The following ADARB2 variants were observed in gnomAD, a reference collection of about 807,000 sequenced individuals.
The protein encoded by ADARB2 is adenosine deaminase RNA specific B2 (inactive).
In ADARB2, 25 loss-of-function variants were observed where a neutral mutation model predicts 62.2. That is an observed-to-expected ratio of 0.40 (90% confidence interval 0.29 to 0.56). The LOEUF is 0.56. ADARB2 is among the 20% of genes least tolerant of loss of function. ADARB2 has a pLI of 0.43. For synonymous variants in ADARB2, 572 were observed against 500.8 expected (o/e 1.14, Z -1.90); for missense variants, 1,071 against 1,077.4 (o/e 0.99, Z 0.08).
chr10:1,199,638 CAGGTGG>C (rs1836957817), intron 8 of ADARB2: 2 of 261,744 alleles, frequency 7.6e-6, no homozygotes, highest in Non-Finnish European at 1.4e-5. Context: ...GGCAGGTGGG[CAGGTGG>C]GCGGCCAGGT....
At chr10:1,587,935 T>C (rs1329005961) in intron 1 of ADARB2, among the ~76,000 whole-genome samples, 1 of 152,172 alleles carries the variant, frequency 6.6e-6, no homozygotes, top group Non-Finnish European at 1.5e-5. Context: ...TCTGCCATGA[T>C]TGTGAGGCCT....
chr10:1,529,776 G>C (rs1208787765), intron 1 of ADARB2, among the ~76,000 whole-genome samples: 2 of 152,226 alleles, frequency 1.3e-5, no homozygotes, highest in Non-Finnish European at 2.9e-5. Flanking sequence ...GCTGCATGTA[G>C]AGGGCAGAGT....
chr10:1,292,866 A>G (rs922569986), intron 3 of ADARB2: 2 of 151,404 alleles, frequency 1.3e-5, no homozygotes, highest in African/African-American at 4.9e-5. Flanking sequence ...GACACCAGAA[A>G]TCATTCTGGT....
At chr10:1,228,981 G>A (rs542569393) in intron 6 of ADARB2, among the ~76,000 whole-genome samples, 11 of 152,262 alleles carry the variant, frequency 7.2e-5, no homozygotes, top group South Asian at 2.1e-4. Flanking sequence ...CCTCTGCCCC[G>A]AATGCATCAG....
At chr10:1,573,527 G>A (rs1026771957) in intron 1 of ADARB2, among the ~76,000 whole-genome samples, 25 of 152,210 alleles carry the variant, frequency 1.6e-4, no homozygotes, top group African/African-American at 5.1e-4. Context: ...CTCTCATTCC[G>A]TCCCCTGATG....
intron 1 of ADARB2, among the ~76,000 whole-genome samples, chr10:1,457,672 G>A (rs933106195): frequency 7.2e-5 from 11 of 152,230 alleles, no homozygotes; most frequent in South Asian, 6.2e-4. Context: ...AGTGACAGAA[G>A]GCCACATAGC....
intron 1 of ADARB2, among the ~76,000 whole-genome samples, chr10:1,487,336 AAAT>A (rs1831556560): frequency 6.6e-6 from 1 of 152,226 alleles, no homozygotes; most frequent in South Asian, 2.1e-4. Context: ...CAAAAAGACT[AAAT>A]AAACATTCTC....
intron 1 of ADARB2, among the ~76,000 whole-genome samples, chr10:1,515,585 C>T (rs1228568940): frequency 1.3e-5 from 2 of 152,220 alleles, no homozygotes; most frequent in African/African-American, 4.8e-5. Context: ...GCTCCCCAGG[C>T]CCCAGAGTGA....
intron 1 of ADARB2, among the ~76,000 whole-genome samples, chr10:1,452,788 T>A (rs558250301): frequency 4.9e-4 from 72 of 146,424 alleles, no homozygotes; most frequent in Non-Finnish European, 9.1e-4. Context: ...ACCCCAGAAC[T>A]TAAAGTATAA....
intron 1 of ADARB2, among the ~76,000 whole-genome samples, chr10:1,468,408 G>A (rs545101032): frequency 2.6e-4 from 39 of 152,194 alleles, no homozygotes; most frequent in Non-Finnish European, 4.6e-4. Context: ...CTGGTAGTGT[G>A]GCGTCAACGG....
intron 1 of ADARB2, among the ~76,000 whole-genome samples, chr10:1,697,722 G>T (rs1178317258): frequency 6.6e-6 from 1 of 152,160 alleles, no homozygotes; most frequent in Non-Finnish European, 1.5e-5. Flanking sequence ...TCCCCGGCGG[G>T]CTGACGGAAA....
intron 6 of ADARB2, among the ~76,000 whole-genome samples, chr10:1,220,282 G>A (rs900180913): frequency 8.6e-6 from 1 of 116,094 alleles, no homozygotes; most frequent in Non-Finnish European, 1.8e-5. Flanking sequence ...GATGGTAATG[G>A]TGATGGTGGT....
intron 1 of ADARB2, among the ~76,000 whole-genome samples, chr10:1,655,717 C>T (rs559234389): frequency 4.0e-5 from 6 of 151,406 alleles, no homozygotes; most frequent in Non-Finnish European, 8.8e-5. Flanking sequence ...TAGAAAATGG[C>T]CTCATGGGCA....
At chr10:1,555,158 T>C (rs1313921653) in intron 1 of ADARB2, among the ~76,000 whole-genome samples, 1 of 152,236 alleles carries the variant, frequency 6.6e-6, no homozygotes, top group Non-Finnish European at 1.5e-5. Flanking sequence ...TCCATATCTT[T>C]GCTGTTGTGA....
chr10:1,663,712 T>A (rs4880524), intron 1 of ADARB2, among the ~76,000 whole-genome samples: 35,296 of 151,850 alleles, frequency 0.23, 4,190 homozygotes, highest in East Asian at 0.27. Context: ...CTCTGCCTCC[T>A]GGGTTCAAGT....
intron 1 of ADARB2, among the ~76,000 whole-genome samples, chr10:1,595,464 T>C (rs972000840): frequency 6.6e-6 from 1 of 152,176 alleles, no homozygotes; most frequent in African/African-American, 2.4e-5. Context: ...ACAGTCAGAT[T>C]TGTATTAGAA....
chr10:1,716,122 G>T (rs1435241092), intron 1 of ADARB2, among the ~76,000 whole-genome samples: 2 of 151,612 alleles, frequency 1.3e-5, no homozygotes, highest in Admixed American at 1.3e-4. Flanking sequence ...GTTCCACAAT[G>T]ACTCATGCAC....
chr10:1,699,283 T>C (rs12762507), intron 1 of ADARB2, among the ~76,000 whole-genome samples: 12,597 of 18,844 alleles, frequency 0.67, 5,510 homozygotes, highest in East Asian at 0.88. Flanking sequence ...CACTCGCCAA[T>C]ACACGCAATC....
chr10:1,281,599 C>T (rs541816034), intron 3 of ADARB2, among the ~76,000 whole-genome samples: 5 of 152,358 alleles, frequency 3.3e-5, no homozygotes, highest in African/African-American at 1.2e-4. Flanking sequence ...ACGGTGCCAG[C>T]AGGGCTCAGG....
Sources: gnomAD v4.1 joint callset for allele counts (sites outside exome capture counted in the v4.1 genomes callset) on GRCh38, gnomAD v4.1.1 for gene constraint, MANE v1.5 for transcripts, NCBI Gene and HGNC (gene_info 2026-07-23, HGNC 2026-07-21) for gene names.